TMEM44: variants seen among roughly 807,000 people sequenced by gnomAD.
The protein encoded by TMEM44 is transmembrane protein 44.
In TMEM44, 43 loss-of-function variants were observed where a neutral mutation model predicts 47.8. That is an observed-to-expected ratio of 0.90 (90% confidence interval 0.70 to 1.16). The LOEUF is 1.16. TMEM44 is among the 50% of genes most tolerant of loss of function. The probability of loss-of-function intolerance (pLI) is 0.00; values close to 1 mark genes in which losing one functional copy is unlikely to be tolerated. For missense variants in TMEM44, 568 were observed against 555.2 expected (o/e 1.02, Z -0.23); for synonymous variants, 277 against 238.8 (o/e 1.16, Z -1.48).
At chr3:194,632,904 G>T in intron 1 of TMEM44, 175 bp downstream of exon 1, 1 of 1,069,604 alleles carries the variant, frequency 9.3e-7, no homozygotes, top group African/African-American at 1.7e-5. Flanking sequence ...CTGTGCGTGG[G>T]ATCCGGAAAG....
intron 6 of TMEM44, 25 bp from the exon 7 acceptor site, chr3:194,615,722 G>A: frequency 6.2e-7 from 1 of 1,612,274 alleles, no homozygotes; most frequent in African/African-American, 1.3e-5. Context: ...GTTAAGGTAG[G>A]AAGCAGAATA....
At chr3:194,628,261 G>T in intron 2 of TMEM44, 122 bp downstream of exon 2, 2 of 1,326,938 alleles carry the variant, frequency 1.5e-6, no homozygotes, top group Non-Finnish European at 2.0e-6. Flanking sequence ...CAGGTTCTGA[G>T]GTGACACTGT....
chr3:194,592,239 A>AC (rs1485793063), intron 9 of TMEM44, among the ~76,000 whole-genome samples: 1 of 152,078 alleles, frequency 6.6e-6, no homozygotes, highest in East Asian at 1.9e-4. Flanking sequence ...AAAAAAAAAA[A>AC]AAAATCATTG....
At chr3:194,599,288 C>T (rs370070722) in intron 9 of TMEM44, among the ~76,000 whole-genome samples, 40 of 152,248 alleles carry the variant, frequency 2.6e-4, no homozygotes, top group East Asian at 7.8e-4. Context: ...TGGTCCCTCA[C>T]GGATGTTTCC....
rs557613399 is a variant in TMEM44 at position 194,597,835 on chromosome 3, G to A, written c.1176+6452C>T. Among the ~76,000 whole-genome samples the A allele has an allele frequency of 8.5e-5, 13 of 152,216 alleles. No homozygotes were observed. The East Asian group carries it at 1.5e-3, about 18-fold the overall frequency. ...CAGTTTCAATGCTGGGGGAAGTCAA[G>A]CCTGCATTTATAATATAGGTTCTGG... is the stretch of plus-strand genomic sequence containing the variant. On this transcript the variant is annotated intron_variant, in intron 9 of 9. Transcript: ENST00000347147.
intron 9 of TMEM44, among the ~76,000 whole-genome samples, chr3:194,603,339 T>C (rs1577172302): frequency 6.6e-6 from 1 of 152,172 alleles, no homozygotes; most frequent in East Asian, 1.9e-4. Flanking sequence ...CACAGCAGGA[T>C]GTAGCTGGTG....
At chr3:194,591,930 A>C (rs918458161) in intron 9 of TMEM44, among the ~76,000 whole-genome samples, 1 of 152,058 alleles carries the variant, frequency 6.6e-6, no homozygotes, top group Non-Finnish European at 1.5e-5. Flanking sequence ...TTATAATAAA[A>C]TCATTGGGCC....
At chr3:194,589,715 C>T (rs527921975) in intron 9 of TMEM44, 6 of 152,230 alleles carry the variant, frequency 3.9e-5, no homozygotes, top group African/African-American at 1.4e-4. Flanking sequence ...CTGTGAAGCC[C>T]TCCTGCTGTT....
At position 194,591,288 on chromosome 3, in the gene TMEM44, T is replaced by A. The variant is rs527326233; in HGVS notation, c.1177-2649A>T. Reference sequence around the variant, plus strand: ...CGGGTGGATCACCTGAGGTCAGGAGTTCGAGACCAGCCTGGCCAACATGGT... The same window carrying A: ...CGGGTGGATCACCTGAGGTCAGGAGATCGAGACCAGCCTGGCCAACATGGT... On this transcript the variant is annotated intron_variant, in intron 9 of 9. Coordinates refer to ENST00000347147, the MANE Select transcript of TMEM44 (RefSeq NM_001011655.3). 1.3e-4 allele frequency among the ~76,000 whole-genome samples: 19 copies of A among 151,560 alleles called. No homozygotes were observed. In the East Asian group the frequency reaches 3.4e-3, roughly 27 times the overall value.
At chr3:194,590,301 A>G (rs111306113) in intron 9 of TMEM44, 339 of 152,384 alleles carry the variant, frequency 2.2e-3, no homozygotes, top group African/African-American at 7.7e-3. Flanking sequence ...TTTAAAAGCC[A>G]TCATGTTAAA....
chr3:194,618,077 C>T (rs1248212451), intron 5 of TMEM44, among the ~76,000 whole-genome samples: 4 of 152,166 alleles, frequency 2.6e-5, no homozygotes, highest in African/African-American at 7.2e-5. Flanking sequence ...ATGAGTGACC[C>T]GGCCTGAGGC....
chr3:194,606,130 G>A (rs1468875094), intron 8 of TMEM44, among the ~76,000 whole-genome samples: 10 of 152,100 alleles, frequency 6.6e-5, no homozygotes, highest in Admixed American at 3.9e-4. Flanking sequence ...CCACACCTGC[G>A]TCAAAAGATA....
intron 9 of TMEM44, among the ~76,000 whole-genome samples, chr3:194,599,522 T>C (rs1233281416): frequency 6.6e-6 from 1 of 152,162 alleles, no homozygotes; most frequent in African/African-American, 2.4e-5. Context: ...TGAGGGTTAA[T>C]TTCAATTTTC....
chr3:194,592,916 C>T (rs1712942748), intron 9 of TMEM44: 2 of 1,229,666 alleles, frequency 1.6e-6, no homozygotes, highest in African/African-American at 1.5e-5. Flanking sequence ...CCTGGCCTGA[C>T]ATTCTTTTTT....
At position 194,628,406 on chromosome 3, in the gene TMEM44, G is replaced by A; in HGVS notation, c.241C>T (p.Leu81=). 6.2e-7 allele frequency: 1 copy of A among 1,612,174 alleles called. No homozygotes were observed. Among genetic ancestry groups the A allele is most frequent in the Non-Finnish European group, 8.5e-7 (1 of 1,179,170 alleles). The part of the protein sequence containing the change: ...TSLCDTVGAL[L]ARQLTIQVFT... ...ACCTGGATTGTGAGCTGTCTGGCCA[G>A]AAGAGCCCCGACGGTGTCACACAGA... is the stretch of plus-strand genomic sequence containing the variant. Residue 81 remains leucine (L), a synonymous_variant, in exon 2 of 10, where the codon CTG becomes TTG. Coordinates refer to ENST00000347147, the MANE Select transcript of TMEM44 (RefSeq NM_001011655.3).
intron 9 of TMEM44, among the ~76,000 whole-genome samples, chr3:194,595,628 T>TA (rs35339354): frequency 0.11 from 11,323 of 106,976 alleles, 871 homozygotes; most frequent in African/African-American, 0.24. Context: ...CATTCTCTAT[T>TA]TTTTTTTTTT....
chr3:194,626,723 A>G (rs1629956), intron 2 of TMEM44, among the ~76,000 whole-genome samples: 109,737 of 138,132 alleles, frequency 0.79, 43,845 homozygotes, highest in East Asian at 0.97. Flanking sequence ...TCGCTCTGTC[A>G]CCCAGGCTGG....
intron 3 of TMEM44, 81 bp from the exon 4 acceptor site, chr3:194,623,776 G>T (rs1351099486): frequency 6.4e-7 from 1 of 1,568,024 alleles, no homozygotes; most frequent in South Asian, 1.2e-5. Flanking sequence ...AAGAACTGGT[G>T]TCAGCTCCCC....
At chr3:194,623,462 A>C in intron 4 of TMEM44, 67 bp downstream of exon 4, 1 of 1,524,120 alleles carries the variant, frequency 6.6e-7, no homozygotes. Flanking sequence ...CCCCGGCCTC[A>C]TCCCACCCTG....
Sources: allele counts gnomAD v4.1 joint callset (sites outside exome capture counted in the v4.1 genomes callset), GRCh38; gene constraint gnomAD v4.1.1; transcripts MANE v1.5; gene names NCBI Gene and HGNC (gene_info 2026-07-23, HGNC 2026-07-21).